Variants in BAHD1 observed in about 807,000 individuals in gnomAD.
BAHD1 encodes bromo adjacent homology domain-containing 1 protein.
Under a neutral mutation model 63.1 loss-of-function variants are expected in BAHD1, and 20 were observed. The ratio of observed to expected loss-of-function variants is 0.32; its 90% CI spans 0.22 to 0.46. The LOEUF (loss-of-function observed/expected upper bound fraction) is 0.46, where lower values mean the gene tolerates loss of function less well. Among genes scored for constraint, BAHD1 ranks in the 20% least tolerant of loss-of-function variants. The pLI is 1.00. For synonymous variants in BAHD1, 408 were observed against 426.8 expected, an observed-to-expected ratio of 0.96 and a Z score of 0.54; for missense variants, 939 against 1,071.8, an observed-to-expected ratio of 0.88 and a Z score of 1.73.
chr15:40,454,850 G>A (rs1893804034), intron 1 of BAHD1, among the ~76,000 whole-genome samples: 1 of 152,154 alleles, frequency 6.6e-6, no homozygotes, highest in Non-Finnish European at 1.5e-5. Flanking sequence ...GCTGGGAGAG[G>A]GGAACCAAGC....
Position 40,464,556 on chromosome 15 carries a change from C to G in BAHD1, c.2052+9C>G. The G allele has an allele frequency of 6.2e-7, 1 of 1,611,110 alleles. No homozygotes were observed. Among genetic ancestry groups the G allele is most frequent in the Non-Finnish European group, 8.5e-7 (1 of 1,178,452 alleles). On this transcript the variant is annotated intron_variant, in intron 5 of 6. Transcript: ENST00000416165. ...GTCCCAGCATGCACGAGGTGAGCTGCCTGGCAGATGGGTCAGGGAGGGCAG... is the reference window on the plus strand; with the variant it reads ...GTCCCAGCATGCACGAGGTGAGCTGGCTGGCAGATGGGTCAGGGAGGGCAG...
At chr15:40,443,441 A>G in intron 1 of BAHD1, 1 of 454,274 alleles carries the variant, frequency 2.2e-6, no homozygotes, top group Non-Finnish European at 2.9e-6. Flanking sequence ...GTGAGGCTAC[A>G]CGGCATGTGA....
intron 1 of BAHD1, among the ~76,000 whole-genome samples, chr15:40,448,199 G>A (rs145937954): frequency 0.02 from 3,079 of 150,948 alleles, 106 homozygotes; most frequent in African/African-American, 0.072. Context: ...CCGAGATTGC[G>A]CCACTGCACT....
chr15:40,458,427 C>A lies in BAHD1; in HGVS notation c.-14-24C>A. The A allele has an allele frequency of 1.3e-6, 2 of 1,529,674 alleles. No individual in the cohort carries two copies. Among genetic ancestry groups the A allele is most frequent in the Non-Finnish European group, 1.8e-6 (2 of 1,136,934 alleles). 94.8% of individuals were successfully genotyped at this position (1,529,674 alleles called of 1,614,324 possible). A position where few individuals can be genotyped will look rare whatever the true frequency, so the allele number is the denominator to read the frequency against. On this transcript the variant is annotated intron_variant, in intron 1 of 6. Transcript: ENST00000416165. The surrounding 1 kb of genome is among the most constrained non-coding windows in gnomAD (Gnocchi z 4.7). ...GGAGCAGGCCAGAGAGGGCTTCTCTCATTGCCCACCTTCTGTCCTGCAGGT... is the reference window on the plus strand; with the variant it reads ...GGAGCAGGCCAGAGAGGGCTTCTCTAATTGCCCACCTTCTGTCCTGCAGGT...
intron 5 of BAHD1, 61 bp downstream of exon 5, chr15:40,464,608 C>CT: frequency 6.9e-7 from 1 of 1,439,204 alleles, no homozygotes. Flanking sequence ...GGTTATGGCA[C>CT]TAAGACGTGG....
Position 40,462,064 on chromosome 15 carries a change from C to T in BAHD1, c.1585C>T (p.Gln529Ter), listed in dbSNP as rs1362305738. 1 of 1,613,728 alleles carries T rather than the reference C, an allele frequency of 6.2e-7. No individual in the cohort carries two copies. Among genetic ancestry groups the T allele is most frequent in the Non-Finnish European group, 8.5e-7 (1 of 1,180,046 alleles). ...PHLQTPTSEP[Q>*]TVARACPQSA... ...TCTTCAGACACCCACCTCGGAGCCC[C>T]AGACAGTAGCCCGTGCGTGCCCTCA... The change falls in exon 3 of 7, where the codon CAG becomes TAG. Residue 529 changes from glutamine to a stop codon, truncating the protein, a stop_gained. Coordinates refer to ENST00000416165, the MANE Select transcript of BAHD1 (RefSeq NM_014952.5). LOFTEE classifies it high-confidence loss of function.
At position 40,458,003 on chromosome 15, in the gene BAHD1, A is replaced by T. The variant is rs1893899594; in HGVS notation, c.-14-448A>T. 6.6e-6 allele frequency among the ~76,000 whole-genome samples: 1 copy of T among 152,146 alleles called. No individual in the cohort carries two copies. The highest frequency in any genetic ancestry group is 1.5e-5 in the Non-Finnish European group (1 of 68,022). On this transcript the variant is annotated intron_variant, in intron 1 of 6. Coordinates refer to ENST00000416165, the MANE Select transcript of BAHD1 (RefSeq NM_014952.5). The surrounding 1 kb of genome is among the most constrained non-coding windows in gnomAD (Gnocchi z 4.7). ...ACTCCAGCGAGACTCCGTCTCTCAA[A>T]AAAAGAAAAAAAGAAGAAAGAATAA...
At chr15:40,463,597 AGT>A (rs1253366039) in intron 3 of BAHD1, among the ~76,000 whole-genome samples, 1 of 147,488 alleles carries the variant, frequency 6.8e-6, no homozygotes. Flanking sequence ...GGGGTCTTGG[AGT>A]GAGAGTCAGC....
At chr15:40,460,014 A>T (rs766331126) in intron 2 of BAHD1, 118 bp downstream of exon 2, 244 of 1,306,832 alleles carry the variant, frequency 1.9e-4, no homozygotes, top group Middle Eastern at 2.8e-4. Flanking sequence ...ACTGGAAGGT[A>T]GGGGGCTTTC....
chr15:40,464,263 T>A (rs1595864483), intron 4 of BAHD1: 1 of 650,868 alleles, frequency 1.5e-6, no homozygotes, highest in East Asian at 2.7e-5. Flanking sequence ...TCCCCCCACC[T>A]CACCTGTCAG....
chr15:40,447,597 A>G (rs907263606), intron 1 of BAHD1, among the ~76,000 whole-genome samples: 1 of 93,770 alleles, frequency 1.1e-5, no homozygotes, highest in Non-Finnish European at 2.4e-5. Flanking sequence ...TAAATAAATA[A>G]ATAAATAAAT....
At position 40,441,079 on chromosome 15, in the gene BAHD1, C is replaced by T. The variant is rs866230804; in HGVS notation, c.-204C>T. 3.5e-5 allele frequency: 5 copies of T among 143,456 alleles called. No individual in the cohort carries two copies. Among genetic ancestry groups the T allele is most frequent in the Non-Finnish European group, 7.7e-5 (5 of 65,184 alleles). The allele number at this position is 143,456 out of a possible 1,614,324, so 8.9% of individuals were successfully genotyped here. A position where few individuals can be genotyped will look rare whatever the true frequency, so the allele number is the denominator to read the frequency against. ...CGCCCGCCCCGGCCAGGCGCGCCCG[C>T]CCCCCCCGACGGCCCCGCCCGGCCG... is the stretch of plus-strand genomic sequence containing the variant. On this transcript the variant is annotated 5_prime_UTR_variant, in exon 1 of 7. Coordinates refer to ENST00000416165, the MANE Select transcript of BAHD1 (RefSeq NM_014952.5).
upstream of BAHD1, among the ~76,000 whole-genome samples, chr15:40,438,754 C>T (rs1893326768): frequency 6.6e-6 from 1 of 152,194 alleles, no homozygotes; most frequent in South Asian, 2.1e-4. Context: ...TGAACGTGGG[C>T]TTCCTGCCAC....
chr15:40,446,579 G>GA (rs1473081828), intron 1 of BAHD1, among the ~76,000 whole-genome samples: 1 of 152,014 alleles, frequency 6.6e-6, no homozygotes, highest in African/African-American at 2.4e-5. Context: ...TCCACCAGGA[G>GA]AAAAAAAGGG....
At chr15:40,456,623 G>C (rs1464808877) in intron 1 of BAHD1, among the ~76,000 whole-genome samples, 3 of 152,230 alleles carry the variant, frequency 2.0e-5, no homozygotes, top group African/African-American at 7.2e-5. Context: ...GAGGTGTCCA[G>C]TGACCCCACC....
At chr15:40,444,609 C>T (rs1893485856) in intron 1 of BAHD1, among the ~76,000 whole-genome samples, 1 of 151,936 alleles carries the variant, frequency 6.6e-6, no homozygotes, top group African/African-American at 2.4e-5. Flanking sequence ...GGGTCTGGCC[C>T]ATAGATGGGA....
rs1004856859 is a variant in BAHD1 at position 40,445,312 on chromosome 15, G to T, written c.-15+4044G>T. Among the ~76,000 whole-genome samples, 10 of 145,098 alleles carry T rather than the reference G, an allele frequency of 6.9e-5. No individual in the cohort carries two copies. In the South Asian group the frequency reaches 2.3e-3, roughly 33 times the overall value. On this transcript the variant is annotated intron_variant, in intron 1 of 6. Transcript: ENST00000416165. ...ACACCTTCTCTGGTTAGAGGTATAA[G>T]TTGGGGCACATTTGACATCCAGAAA... is the stretch of plus-strand genomic sequence containing the variant.
chr15:40,455,136 C>T (rs1893812515), intron 1 of BAHD1, among the ~76,000 whole-genome samples: 1 of 152,222 alleles, frequency 6.6e-6, no homozygotes, highest in African/African-American at 2.4e-5. Context: ...AAGCTAGGAG[C>T]TATTTTGCGA....
upstream of BAHD1, among the ~76,000 whole-genome samples, chr15:40,439,441 G>A (rs1016003139): frequency 2.6e-5 from 4 of 152,166 alleles, no homozygotes; most frequent in Admixed American, 6.5e-5. Context: ...GAGTCCCAAG[G>A]TCTAGGAAAG....
Sources: allele counts gnomAD v4.1 joint callset (sites outside exome capture counted in the v4.1 genomes callset), GRCh38; gene constraint gnomAD v4.1.1; non-coding constraint Gnocchi (gnomAD v3.1); transcripts MANE v1.5; gene names NCBI Gene and HGNC (gene_info 2026-07-23, HGNC 2026-07-21).